The following ARHGAP10 variants were observed in gnomAD, a reference collection of about 807,000 sequenced individuals.
The protein encoded by ARHGAP10 is Rho GTPase activating protein 10.
A neutral mutation model predicts 108.6 loss-of-function variants in ARHGAP10; 87 were observed. The ratio of observed to expected loss-of-function variants is 0.80; its 90% CI spans 0.67 to 0.96. The LOEUF is 0.96. ARHGAP10 is among the 40% of genes least tolerant of loss of function. The probability of loss-of-function intolerance (pLI) is 0.00; values close to 1 mark genes in which losing one functional copy is unlikely to be tolerated. For missense variants in ARHGAP10, 939 were observed against 954.5 expected, an observed-to-expected ratio of 0.98 and a Z score of 0.21; for synonymous variants, 347 against 341.1, an observed-to-expected ratio of 1.02 and a Z score of -0.19.
At chr4:147,784,886 ATTATAAAATATATATTATAAATATAATAT>A in intron 1 of ARHGAP10, among the ~76,000 whole-genome samples, 2 of 120,870 alleles carry the variant, frequency 1.7e-5, no homozygotes, top group African/African-American at 6.4e-5. Context: ...TTATAAATAT[ATTATAAAATATATATTATAAATATAATAT>A]ATTATAAAAT....
chr4:147,822,616 A>G, intron 1 of ARHGAP10, 111 bp from the exon 2 acceptor site: 1 of 1,077,472 alleles, frequency 9.3e-7, no homozygotes, highest in South Asian at 1.5e-5. Flanking sequence ...GCCTTCTCAT[A>G]GATTGAGCGG....
intron 1 of ARHGAP10, among the ~76,000 whole-genome samples, chr4:147,815,932 G>T (rs72955557): frequency 0.012 from 1,784 of 152,316 alleles, 29 homozygotes; most frequent in African/African-American, 0.04. Flanking sequence ...AAAACTGTTA[G>T]ATAATAAGTT....
chr4:147,925,626 C>G (rs1737433867), intron 13 of ARHGAP10, among the ~76,000 whole-genome samples: 1 of 152,130 alleles, frequency 6.6e-6, no homozygotes, highest in African/African-American at 2.4e-5. Context: ...GGAAAAAATA[C>G]TAGAAATATG....
chr4:147,763,746 C>CTTTTT (rs35774782), intron 1 of ARHGAP10, among the ~76,000 whole-genome samples: 2 of 93,170 alleles, frequency 2.1e-5, no homozygotes, highest in East Asian at 3.5e-4. Context: ...ATGGTGATTC[C>CTTTTT]TTTTTTTTTT....
intron 19 of ARHGAP10, among the ~76,000 whole-genome samples, chr4:148,031,911 TTTTATTGTAA>T (rs1728164642): frequency 6.6e-6 from 1 of 152,312 alleles, no homozygotes; most frequent in African/African-American, 2.4e-5. Flanking sequence ...TGCAAAAGCA[TTTTATTGTAA>T]TTTATGCCAC....
chr4:147,750,003 C>T (rs1729077748), intron 1 of ARHGAP10, among the ~76,000 whole-genome samples: 3 of 152,106 alleles, frequency 2.0e-5, no homozygotes, highest in Non-Finnish European at 1.5e-5. Flanking sequence ...CAGTGTTTAC[C>T]TGAGTGTGGC....
intron 1 of ARHGAP10, among the ~76,000 whole-genome samples, chr4:147,760,487 A>G (rs1729547623): frequency 6.6e-6 from 1 of 152,126 alleles, no homozygotes; most frequent in Non-Finnish European, 1.5e-5. Flanking sequence ...GGGGAGAGGC[A>G]GAGTCTGGGT....
intron 19 of ARHGAP10, among the ~76,000 whole-genome samples, chr4:148,031,802 G>GT (rs1728159803): frequency 6.6e-6 from 1 of 152,184 alleles, no homozygotes; most frequent in South Asian, 2.1e-4. Context: ...ATAAAACACT[G>GT]TAACAAGCAT....
chr4:148,069,992 G>T (rs550865412), intron 22 of ARHGAP10, among the ~76,000 whole-genome samples: 1 of 152,366 alleles, frequency 6.6e-6, no homozygotes, highest in South Asian at 2.1e-4. Flanking sequence ...AAGGCATGAA[G>T]GAAGTAACTT....
intron 1 of ARHGAP10, among the ~76,000 whole-genome samples, chr4:147,776,215 T>A (rs1461677147): frequency 6.6e-6 from 1 of 152,166 alleles, no homozygotes; most frequent in Admixed American, 6.5e-5. Context: ...CTTTTGCGAA[T>A]GAATGATGGA....
chr4:147,992,278 G>C (rs1030579780), intron 18 of ARHGAP10, among the ~76,000 whole-genome samples: 4 of 152,132 alleles, frequency 2.6e-5, no homozygotes, highest in Non-Finnish European at 5.9e-5. Context: ...TGCCACGTTT[G>C]TCCTGCTCTC....
chr4:147,778,851 A>C (rs957650450), intron 1 of ARHGAP10, among the ~76,000 whole-genome samples: 1 of 152,196 alleles, frequency 6.6e-6, no homozygotes, highest in African/African-American at 2.4e-5. Context: ...AAAAATAAGA[A>C]CACTTAGAAT....
intron 18 of ARHGAP10, among the ~76,000 whole-genome samples, chr4:148,021,049 CAAAGA>C (rs1741549198): frequency 6.6e-6 from 1 of 152,062 alleles, no homozygotes; most frequent in Non-Finnish European, 1.5e-5. Context: ...AGATGTAAAC[CAAAGA>C]AAACAAAACA....
intron 1 of ARHGAP10, among the ~76,000 whole-genome samples, chr4:147,784,244 A>G (rs1161792192): frequency 8.9e-6 from 1 of 112,752 alleles, no homozygotes; most frequent in Non-Finnish European, 1.6e-5. Context: ...TATAATTTAC[A>G]TAACATTAAA....
chr4:147,776,553 A>C (rs1221008880), intron 1 of ARHGAP10, among the ~76,000 whole-genome samples: 2 of 152,186 alleles, frequency 1.3e-5, no homozygotes. Flanking sequence ...GTTCTGGTTC[A>C]ATGTGAAGCA....
chr4:148,015,292 T>C (rs1234545111), intron 18 of ARHGAP10, among the ~76,000 whole-genome samples: 2 of 152,114 alleles, frequency 1.3e-5, no homozygotes, highest in Non-Finnish European at 2.9e-5. Context: ...GCCGGCAAGA[T>C]AGGAAGTAGC....
At chr4:147,904,824 T>C (rs1223328292) in intron 10 of ARHGAP10, among the ~76,000 whole-genome samples, 1 of 152,200 alleles carries the variant, frequency 6.6e-6, no homozygotes, top group Non-Finnish European at 1.5e-5. Context: ...TCCACAATGG[T>C]TGAACTAGTT....
intron 19 of ARHGAP10, among the ~76,000 whole-genome samples, chr4:148,041,620 C>T (rs1056836763): frequency 2.0e-5 from 3 of 152,286 alleles, no homozygotes; most frequent in Admixed American, 6.5e-5. Context: ...CTCTTGTTTC[C>T]TCCTCTTGGT....
intron 20 of ARHGAP10, among the ~76,000 whole-genome samples, chr4:148,047,566 G>A (rs1728944693): frequency 2.0e-5 from 3 of 152,216 alleles, no homozygotes; most frequent in Non-Finnish European, 4.4e-5. Context: ...CCAGGCATGT[G>A]CAGATCAGCT....
Sources: allele counts gnomAD v4.1 joint callset (sites outside exome capture counted in the v4.1 genomes callset), GRCh38; gene constraint gnomAD v4.1.1; transcripts MANE v1.5; gene names NCBI Gene and HGNC (gene_info 2026-07-23, HGNC 2026-07-21).